The following DMD variants were observed in gnomAD, a reference collection of about 807,000 sequenced individuals.
DMD encodes mutant dystrophin.
In DMD, 63 loss-of-function variants were observed where a neutral mutation model predicts 330.1. That is an observed-to-expected ratio of 0.19 (90% CI 0.16 to 0.24). DMD has a LOEUF of 0.24. Ranked by LOEUF, DMD falls within the 10% of genes least tolerant of loss-of-function variation. DMD has a pLI of 1.00. For synonymous variants in DMD, 1,223 were observed against 959.8 expected, an observed-to-expected ratio of 1.27 and a Z score of -5.07; for missense variants, 3,344 against 2,684.1, an observed-to-expected ratio of 1.25 and a Z score of -5.43.
intron 2 of DMD, among the ~76,000 whole-genome samples, chrX:33,010,139 T>C (rs893985808): frequency 9.5e-6 from 1 of 104,793 alleles, no homozygotes; most frequent in Non-Finnish European, 2.0e-5. Flanking sequence ...TATGTATATA[T>C]ACGTGTATAT....
At chrX:32,603,923 G>T (rs1214730059) in intron 12 of DMD, among the ~76,000 whole-genome samples, 1 of 110,921 alleles carries the variant, frequency 9.0e-6, no homozygotes, top group Non-Finnish European at 1.9e-5. Context: ...TACCAGACAT[G>T]CAAAGAACTG....
intron 11 of DMD, among the ~76,000 whole-genome samples, chrX:32,616,456 T>A (rs944247114): frequency 3.6e-5 from 4 of 111,221 alleles, no homozygotes; most frequent in African/African-American, 1.3e-4. Context: ...TACTTTGGGC[T>A]AAATCCAATA....
Position 31,420,991 on chromosome X carries a change from G to T in DMD, c.9084+23490C>A, listed in dbSNP as rs186339305. Among the ~76,000 whole-genome samples the T allele has an allele frequency of 5.8e-3, 652 of 112,082 alleles. 4 individuals are homozygous for T. The highest frequency in any genetic ancestry group is 0.021 in the African/African-American group (636 of 30,844). On this transcript the variant is annotated intron_variant, in intron 60 of 78. Coordinates refer to ENST00000357033, the MANE Select transcript of DMD (RefSeq NM_004006.3). ...GCCACATGAAATCCAAGGAATCAAA[G>T]TGTAATCTCCGCTGCCACTCCTCAT...
intron 62 of DMD, among the ~76,000 whole-genome samples, chrX:31,321,401 A>G (rs1455683999): frequency 1.8e-5 from 2 of 108,725 alleles, no homozygotes; most frequent in Non-Finnish European, 3.8e-5. Context: ...CCTGACCAAT[A>G]TGGTGAAACC....
intron 77 of DMD, among the ~76,000 whole-genome samples, chrX:31,132,493 G>C (rs1891984516): frequency 9.0e-6 from 1 of 111,482 alleles, no homozygotes; most frequent in Admixed American, 9.6e-5. Flanking sequence ...CTCTTGTTTA[G>C]ATGTGGAAGA....
chrX:32,035,903 C>G (rs947141758), intron 44 of DMD, among the ~76,000 whole-genome samples: 7 of 111,130 alleles, frequency 6.3e-5, no homozygotes, highest in African/African-American at 2.3e-4. Context: ...TTTTTCCTTG[C>G]GTAAGCTAAG....
intron 1 of DMD, among the ~76,000 whole-genome samples, chrX:33,265,283 G>T (rs887647863): frequency 3.6e-5 from 4 of 110,733 alleles, no homozygotes; most frequent in Non-Finnish European, 7.6e-5. Context: ...GAGGGCTCTT[G>T]TTGGAAACCT....
intron 76 of DMD, among the ~76,000 whole-genome samples, chrX:31,138,427 A>G (rs1569322931): frequency 9.0e-6 from 1 of 111,369 alleles, no homozygotes; most frequent in African/African-American, 3.3e-5. Flanking sequence ...CTATGTAGCT[A>G]CAACATAATA....
chrX:31,541,160 C>T lies in DMD; in HGVS notation c.8218-33707G>A, dbSNP rs184145086. 2.2e-4 allele frequency among the ~76,000 whole-genome samples: 24 copies of T among 111,147 alleles called. 1 individual carries two copies. The highest frequency in any genetic ancestry group is 2.1e-3 in the Admixed American group (22 of 10,450). ...AGCAATTGAAATCAGGCTAGTGAGA[C>T]GGAGAGACTGAAGTTTAACAAATTT... On this transcript the variant is annotated intron_variant, in intron 55 of 78. Coordinates refer to ENST00000357033, the MANE Select transcript of DMD (RefSeq NM_004006.3).
intron 50 of DMD, among the ~76,000 whole-genome samples, chrX:31,789,167 T>C (rs1202314820): frequency 8.9e-6 from 1 of 111,821 alleles, no homozygotes; most frequent in East Asian, 2.8e-4. Flanking sequence ...ATGCCTTTTT[T>C]TGTTGTCTTC....
At chrX:32,202,903 AC>A (rs1207839678) in intron 44 of DMD, among the ~76,000 whole-genome samples, 1 of 112,230 alleles carries the variant, frequency 8.9e-6, no homozygotes, top group African/African-American at 3.2e-5. Flanking sequence ...TATACAGCAA[AC>A]CGTAAGTATC....
At chrX:32,234,849 ACT>A (rs1278821435) in intron 43 of DMD, among the ~76,000 whole-genome samples, 1 of 111,419 alleles carries the variant, frequency 9.0e-6, no homozygotes, top group African/African-American at 3.3e-5. Flanking sequence ...TCAAGTAATA[ACT>A]CTGCAAGGTA....
chrX:31,929,499 G>T, intron 47 of DMD, 97 bp downstream of exon 47: 1 of 998,568 alleles, frequency 1.0e-6, no homozygotes, highest in Non-Finnish European at 1.4e-6. Flanking sequence ...CCACATACCA[G>T]CCTCCTCCCC....
At chrX:32,198,122 A>T (rs2097015278) in intron 44 of DMD, among the ~76,000 whole-genome samples, 1 of 112,071 alleles carries the variant, frequency 8.9e-6, no homozygotes, top group Admixed American at 9.5e-5. Context: ...TTTGAAATAT[A>T]GTAGTTGATG....
chrX:33,076,998 G>C (rs891907198), intron 1 of DMD, among the ~76,000 whole-genome samples: 2 of 110,896 alleles, frequency 1.8e-5, no homozygotes, highest in East Asian at 2.9e-4. Context: ...AGTCGGAGCT[G>C]TCTTCTTGCG....
At position 32,483,146 on chromosome X, in the gene DMD, C is replaced by CATATATATATATATATATATATATATAT. The variant is rs201134649; in HGVS notation, c.2803+1772_2803+1773insATATATATATATATATATATATATATAT. ...ATTTCATATGCTACATTTTTCATTCCATATATATATATATATATACACCAT... is the reference window on the plus strand; with the variant it reads ...ATTTCATATGCTACATTTTTCATTCCATATATATATATATATATATATATATATATATATATATATATATATACACCAT... On this transcript the variant is annotated intron_variant, in intron 21 of 78. Coordinates refer to ENST00000357033, the MANE Select transcript of DMD (RefSeq NM_004006.3). Among the ~76,000 whole-genome samples, 87 of 39,232 alleles carry CATATATATATATATATATATATATATAT rather than the reference C, an allele frequency of 2.2e-3. 5 individuals carry two copies. The highest frequency in any genetic ancestry group is 4.7e-3 in the African/African-American group (74 of 15,755). The allele number at this position is 39,232 out of a possible 115,157, so 34.1% of individuals were successfully genotyped here.
Position 31,932,115 on chromosome X carries a change from C to G in DMD, c.6727G>C (p.Glu2243Gln). 1 of 1,211,211 alleles carries G rather than the reference C, an allele frequency of 8.3e-7. No individual in the cohort carries two copies. The stretch of plus-strand genomic sequence containing the variant: ...TCAAGCTTTTCTTTTAGTTGCTGCT[C>G]TTTTCCAGGTTCAAGTGGGATACTA... ...IASIPLEPGK[E>Q]QQLKEKLEQV... The change falls in exon 46 of 79, where the codon GAG (glutamate) becomes CAG (glutamine). Residue 2243 changes from glutamate to glutamine, a missense_variant. Glu to Gln is a conservative substitution (Grantham distance 29). Coordinates refer to ENST00000357033, the MANE Select transcript of DMD (RefSeq NM_004006.3).
At chrX:33,054,087 G>A (rs1194170523) in intron 1 of DMD, among the ~76,000 whole-genome samples, 1 of 111,934 alleles carries the variant, frequency 8.9e-6, no homozygotes, top group Non-Finnish European at 1.9e-5. Flanking sequence ...AAGAGACAAG[G>A]AATCAGGAGG....
intron 5 of DMD, among the ~76,000 whole-genome samples, chrX:32,819,697 G>A (rs986280470): frequency 2.5e-4 from 28 of 110,365 alleles, no homozygotes; most frequent in African/African-American, 8.9e-4. Context: ...TGTTGCATTA[G>A]AAAAAGGGGC....
Sources: allele counts gnomAD v4.1 joint callset (sites outside exome capture counted in the v4.1 genomes callset), GRCh38; gene constraint gnomAD v4.1.1; transcripts MANE v1.5; gene names NCBI Gene and HGNC (gene_info 2026-07-23, HGNC 2026-07-21).